The following SYK variants were observed in gnomAD, a reference collection of about 807,000 sequenced individuals.
SYK encodes the protein spleen associated tyrosine kinase.
SYK carries 16 observed loss-of-function variants against 77.8 expected under a neutral mutation model. The ratio of observed to expected loss-of-function variants is 0.21; its 90% CI spans 0.14 to 0.31. The LOEUF is 0.31. SYK is among the 10% of genes least tolerant of loss of function. The pLI is 1.00. For missense variants in SYK, 529 were observed against 814.4 expected, an observed-to-expected ratio of 0.65 and a Z score of 4.26; for synonymous variants, 312 against 308.7, an observed-to-expected ratio of 1.01 and a Z score of -0.11.
chr9:90,875,240 A>T (rs200239497), intron 9 of SYK, among the ~76,000 whole-genome samples: 41 of 151,098 alleles, frequency 2.7e-4, no homozygotes, highest in East Asian at 1.2e-3. Flanking sequence ...CTCTACAAAA[A>T]AAATAAATAA....
chr9:90,866,387 C>T (rs906665826), intron 6 of SYK, among the ~76,000 whole-genome samples: 3 of 152,240 alleles, frequency 2.0e-5, no homozygotes, highest in African/African-American at 7.2e-5. Flanking sequence ...AGGGGCAGCA[C>T]TTGTTATCAA....
intron 3 of SYK, among the ~76,000 whole-genome samples, chr9:90,855,085 C>A (rs1488318240): frequency 1.3e-5 from 2 of 151,708 alleles, no homozygotes. Context: ...CTGTGCACAA[C>A]CTGTGGGGCC....
At chr9:90,869,068 A>G (rs1223854272) in intron 7 of SYK, among the ~76,000 whole-genome samples, 1 of 152,194 alleles carries the variant, frequency 6.6e-6, no homozygotes, top group Non-Finnish European at 1.5e-5. Flanking sequence ...CGTATACAGT[A>G]TCCTAGAAAA....
chr9:90,828,912 T>A (rs1825777194), intron 1 of SYK, among the ~76,000 whole-genome samples: 1 of 152,132 alleles, frequency 6.6e-6, no homozygotes, highest in Admixed American at 6.5e-5. Context: ...CGTGGTCAAC[T>A]TGCCTCCCTG....
At chr9:90,829,932 G>C (rs894450478) in intron 1 of SYK, among the ~76,000 whole-genome samples, 1 of 152,228 alleles carries the variant, frequency 6.6e-6, no homozygotes, top group Non-Finnish European at 1.5e-5. Flanking sequence ...GGTTGAGATA[G>C]ATCAGCCTTT....
In SYK at chr9:90,851,116, A is replaced by G. The variant is rs73506010; in HGVS notation, c.578+5522A>G. Among the ~76,000 whole-genome samples the G allele has an allele frequency of 7.9e-3, 1,200 of 152,294 alleles. 18 individuals carry two copies. Among genetic ancestry groups the G allele is most frequent in the African/African-American group, 0.027 (1,142 of 41,542 alleles). On this transcript the variant is annotated intron_variant, in intron 3 of 13. Transcript: ENST00000375754. The stretch of plus-strand genomic sequence containing the variant: ...GGGTGTGGAGGAGCTTGTCCAAGGC[A>G]GGAAGGCAAAACCAGGTCCCTGATG...
Position 90,895,893 on chromosome 9 carries a change from C to T in SYK, c.*293C>T. On this transcript the variant is annotated 3_prime_UTR_variant, in exon 14 of 14. Coordinates refer to ENST00000375754, the MANE Select transcript of SYK (RefSeq NM_003177.7). The surrounding 1 kb of genome is among the most constrained non-coding windows in gnomAD (Gnocchi z 4.4). ...TATTTTTACGATCTGTTTCCAAATC[C>T]CTTTCATGTCTTTCCACTTCTCTGG... The T allele has an allele frequency of 5.0e-6, 2 of 403,790 alleles. No individual in the cohort carries two copies. Among genetic ancestry groups the T allele is most frequent in the Non-Finnish European group, 9.3e-6 (2 of 215,556 alleles). 25.0% of individuals were successfully genotyped at this position (403,790 alleles called of 1,614,324 possible).
chr9:90,842,424 G>A (rs1269948009), intron 1 of SYK, among the ~76,000 whole-genome samples: 1 of 151,064 alleles, frequency 6.6e-6, no homozygotes, highest in African/African-American at 2.4e-5. Flanking sequence ...TGTTTTGTGT[G>A]TATGTAACGT....
intron 13 of SYK, among the ~76,000 whole-genome samples, chr9:90,893,734 A>G (rs907731772): frequency 6.6e-6 from 1 of 152,240 alleles, no homozygotes; most frequent in African/African-American, 2.4e-5. Context: ...GAAGCCTCAC[A>G]CTTCCAGCAG....
At chr9:90,888,822 C>G (rs1258444447) in intron 13 of SYK, among the ~76,000 whole-genome samples, 195 bp downstream of exon 13, 1 of 152,088 alleles carries the variant, frequency 6.6e-6, no homozygotes. Context: ...TGTAGTAGAG[C>G]CTAAAGAGCA....
In SYK at chr9:90,878,894, G is replaced by A. The variant is rs1828042869; in HGVS notation, c.1522G>A (p.Ala508Thr). 8.7e-6 allele frequency: 14 copies of A among 1,614,128 alleles called. No homozygotes were observed. Among genetic ancestry groups the A allele is most frequent in the Non-Finnish European group, 1.2e-5 (14 of 1,179,972 alleles). ...RNVLLVTQHY[A>T]KISDFGLSKA... ...TGTGTTGCTAGTTACCCAACATTAC[G>A]CCAAGATCAGTGATTTCGGACTTTC... Residue 508 changes from alanine (A) to threonine (T), a missense_variant, in exon 11 of 14, where the codon GCC (alanine) becomes ACC (threonine). This residue lies in a region of SYK where 208 missense variants were observed against 381.3 expected (regional missense o/e 0.55). Transcript: ENST00000375754.
At chr9:90,819,254 C>T (rs903435474) in intron 1 of SYK, among the ~76,000 whole-genome samples, 1 of 152,202 alleles carries the variant, frequency 6.6e-6, no homozygotes, top group Non-Finnish European at 1.5e-5. Context: ...GGTTGATCCT[C>T]AGTATTCATG....
At chr9:90,860,015 G>A (rs142462746) in intron 3 of SYK, among the ~76,000 whole-genome samples, 52 of 152,214 alleles carry the variant, frequency 3.4e-4, no homozygotes, top group African/African-American at 9.2e-4. Context: ...GAGAGATGGC[G>A]TCTCACTCTG....
chr9:90,877,425 T>C, intron 9 of SYK, 146 bp from the exon 10 acceptor site: 1 of 811,130 alleles, frequency 1.2e-6, no homozygotes, highest in Non-Finnish European at 2.0e-6. Flanking sequence ...CAGCCATCCA[T>C]TACAGGCTTC....
At position 90,877,665 on chromosome 9, in the gene SYK, C is replaced by A; in HGVS notation, c.1276C>A (p.Gln426Lys). ...ATTAGCAGAAGCAAATGTCATGCAG[C>A]AGCTGGACAACCCGTACATCGTGCG... Reference protein sequence around the residue: ...ELLAEANVMQQLDNPYIVRMI... With the variant: ...ELLAEANVMQKLDNPYIVRMI... Residue 426 changes from glutamine to lysine, a missense_variant, in exon 10 of 14, where the codon CAG (glutamine) becomes AAG (lysine). Physicochemically the swap from Gln to Lys is moderately conservative, Grantham distance 53. Around this residue, in one of 2 missense-constraint regions of SYK, gnomAD observed 208 missense variants for 381.3 expected, o/e 0.55. Transcript: ENST00000375754. 6.2e-7 allele frequency: 1 copy of A among 1,614,250 alleles called. No homozygotes were observed. Among genetic ancestry groups the A allele is most frequent in the Non-Finnish European group, 8.5e-7 (1 of 1,180,040 alleles).
At chr9:90,820,112 C>G (rs1564072090) in intron 1 of SYK, among the ~76,000 whole-genome samples, 1 of 152,234 alleles carries the variant, frequency 6.6e-6, no homozygotes, top group Non-Finnish European at 1.5e-5. Flanking sequence ...TTCCCATGGT[C>G]TTGGACAGCT....
rs145670328 is a variant in SYK at position 90,878,506 on chromosome 9, G to A, written c.1392-258G>A. The stretch of plus-strand genomic sequence containing the variant: ...TGGTGCCTGGCTATCTGTGAGCCAG[G>A]CCTGACTACTCTGTTATACTGCTTT... On this transcript the variant is annotated intron_variant, in intron 10 of 13. Transcript: ENST00000375754. Among the ~76,000 whole-genome samples the A allele has an allele frequency of 1.8e-3, 270 of 152,272 alleles. 1 individual carries two copies. The highest frequency in any genetic ancestry group is 6.4e-3 in the African/African-American group (264 of 41,546).
chr9:90,812,615 A>G (rs1825121244), intron 1 of SYK, among the ~76,000 whole-genome samples: 1 of 152,124 alleles, frequency 6.6e-6, no homozygotes, highest in Admixed American at 6.6e-5. Flanking sequence ...ACACAAACAC[A>G]TCTTTAAAGG....
chr9:90,890,342 G>A (rs1027633973), intron 13 of SYK, among the ~76,000 whole-genome samples: 12 of 152,198 alleles, frequency 7.9e-5, no homozygotes, highest in Non-Finnish European at 1.8e-4. Context: ...ACAGTGGGCA[G>A]TTATTTCCAG....
Sources: allele counts gnomAD v4.1 joint callset (sites outside exome capture counted in the v4.1 genomes callset), GRCh38; gene constraint gnomAD v4.1.1; regional missense constraint gnomAD v4.1.1; non-coding constraint Gnocchi (gnomAD v3.1); transcripts MANE v1.5; gene names NCBI Gene and HGNC (gene_info 2026-07-23, HGNC 2026-07-21).